Variants in SAMD5 observed in about 807,000 individuals in gnomAD.
The protein encoded by SAMD5 is sterile alpha motif domain-containing protein 5.
In SAMD5, 13 loss-of-function variants were observed where a neutral mutation model predicts 11.3. The ratio of observed to expected loss-of-function variants is 1.15; its 90% CI spans 0.75 to 1.83. The LOEUF (loss-of-function observed/expected upper bound fraction) is 1.83. SAMD5 is among the 40% of genes most tolerant of loss of function. SAMD5 has a pLI of 0.00. For synonymous variants in SAMD5, 129 were observed against 111.3 expected (o/e 1.16, Z -1.00); for missense variants, 255 against 239.1 (o/e 1.07, Z -0.44).
At chr6:147,832,634 A>G in the SAMD5 span, among the ~76,000 whole-genome samples, 1 of 152,198 alleles carries the variant, frequency 6.6e-6, no homozygotes, top group Non-Finnish European at 1.5e-5. Flanking sequence ...TCACTAGGCT[A>G]TCTGATGATT....
the SAMD5 span, among the ~76,000 whole-genome samples, chr6:147,844,668 T>TA: frequency 0.023 from 3,364 of 145,340 alleles, 47 homozygotes; most frequent in Non-Finnish European, 0.034. Flanking sequence ...TAAAACAATT[T>TA]AAAAAAAAAA....
chr6:147,756,217 T>C, the SAMD5 span, among the ~76,000 whole-genome samples: 1 of 152,158 alleles, frequency 6.6e-6, no homozygotes. Context: ...ATTTGTGTCA[T>C]ATAAGATTCC....
chr6:147,885,057 G>C, the SAMD5 span, among the ~76,000 whole-genome samples: 1 of 152,268 alleles, frequency 6.6e-6, no homozygotes, highest in South Asian at 2.1e-4. Context: ...ATCATATGCT[G>C]TGCCAATTAA....
the SAMD5 span, among the ~76,000 whole-genome samples, chr6:147,828,855 C>A: frequency 6.6e-6 from 1 of 152,092 alleles, no homozygotes; most frequent in Non-Finnish European, 1.5e-5. Context: ...AAGATAACAG[C>A]CTTAAAGCCC....
At chr6:147,803,439 T>C in the SAMD5 span, among the ~76,000 whole-genome samples, 1 of 152,210 alleles carries the variant, frequency 6.6e-6, no homozygotes, top group Non-Finnish European at 1.5e-5. Flanking sequence ...TTCTTTCATC[T>C]GTCTTCCTTC....
At position 147,565,094 on chromosome 6, in the gene SAMD5, C is replaced by T; in HGVS notation, c.*638C>T. 1 of 984,584 alleles carries T rather than the reference C, an allele frequency of 1.0e-6. No homozygotes were observed. Among genetic ancestry groups the T allele is most frequent in the African/African-American group, 1.7e-5 (1 of 57,340 alleles). The allele number at this position is 984,584 out of a possible 1,614,324, so 61.0% of individuals were successfully genotyped here. On this transcript the variant is annotated 3_prime_UTR_variant, in exon 2 of 2. Coordinates refer to ENST00000367474, the MANE Select transcript of SAMD5 (RefSeq NM_001030060.3). ...CATCACCAAGAGAGGACAATTTCTT[C>T]TAACTTCTCTTTTTAAATTTAATCT...
At chr6:147,941,423 C>T in the SAMD5 span, among the ~76,000 whole-genome samples, 10 of 152,342 alleles carry the variant, frequency 6.6e-5, 1 homozygote, top group African/African-American at 2.4e-4. Context: ...CCCTCCCTGG[C>T]ACTGGAATTC....
downstream of SAMD5, among the ~76,000 whole-genome samples, chr6:147,573,402 A>G (rs1789167169): frequency 6.6e-6 from 1 of 152,222 alleles, no homozygotes; most frequent in Non-Finnish European, 1.5e-5. Context: ...AGATGCTTAT[A>G]AAACCATCAG....
intron 1 of SAMD5, among the ~76,000 whole-genome samples, chr6:147,620,046 ATGT>A (rs1789936482): frequency 1.3e-5 from 2 of 152,196 alleles, no homozygotes; most frequent in Admixed American, 1.3e-4. Context: ...AATAAGTTGA[ATGT>A]TGTTGTTTGG....
intron 1 of SAMD5, among the ~76,000 whole-genome samples, chr6:147,594,277 A>G (rs1008785066): frequency 7.9e-5 from 12 of 152,146 alleles, no homozygotes; most frequent in Admixed American, 2.6e-4. Context: ...TCTCTCGCTC[A>G]TTTGCTTGCT....
the SAMD5 span, among the ~76,000 whole-genome samples, chr6:147,817,362 T>C: frequency 6.6e-6 from 1 of 152,258 alleles, no homozygotes; most frequent in African/African-American, 2.4e-5. Context: ...GACAACTTCC[T>C]GATAGTGAAG....
intron 1 of SAMD5, among the ~76,000 whole-genome samples, chr6:147,579,849 C>T (rs1789270710): frequency 6.6e-6 from 1 of 152,106 alleles, no homozygotes; most frequent in Non-Finnish European, 1.5e-5. Flanking sequence ...ATGAATGATG[C>T]CCAACATATT....
chr6:147,702,939 A>G (rs909683805), intron 1 of SAMD5, among the ~76,000 whole-genome samples: 3 of 152,182 alleles, frequency 2.0e-5, no homozygotes, highest in African/African-American at 7.2e-5. Flanking sequence ...TCTTGGGCCA[A>G]ATGTCCAGAA....
intron 1 of SAMD5, among the ~76,000 whole-genome samples, chr6:147,709,764 C>T (rs1351904650): frequency 3.3e-5 from 5 of 152,192 alleles, no homozygotes; most frequent in Admixed American, 2.6e-4. Context: ...TGAGGCTGTT[C>T]TCAGTTCCAA....
chr6:147,796,066 TTTAA>T, the SAMD5 span, among the ~76,000 whole-genome samples: 2 of 148,848 alleles, frequency 1.3e-5, no homozygotes, highest in African/African-American at 5.0e-5. Context: ...AGCTCTTTAG[TTTAA>T]TTAGATCCCA....
chr6:147,684,798 CTT>C (rs1790986468), intron 1 of SAMD5, among the ~76,000 whole-genome samples: 1 of 152,098 alleles, frequency 6.6e-6, no homozygotes, highest in African/African-American at 2.4e-5. Flanking sequence ...CTAAAGCTAA[CTT>C]AATAATCACT....
chr6:147,564,850 A>G lies in SAMD5; in HGVS notation c.*394A>G, dbSNP rs1436514169. ...AGGTAGATTTCTGACAGTAAGTAGTAATTATATTATTTCCAAATTTGCTTT... is the reference window on the plus strand; with the variant it reads ...AGGTAGATTTCTGACAGTAAGTAGTGATTATATTATTTCCAAATTTGCTTT... On this transcript the variant is annotated 3_prime_UTR_variant, in exon 2 of 2. Transcript: ENST00000367474. 1.1e-6 allele frequency: 1 copy of G among 949,746 alleles called. No homozygotes were observed. Among genetic ancestry groups the G allele is most frequent in the Non-Finnish European group, 1.3e-6 (1 of 796,464 alleles). The allele number at this position is 949,746 out of a possible 1,614,324, so 58.8% of individuals were successfully genotyped here. A position where few individuals can be genotyped will look rare whatever the true frequency, so the allele number is the denominator to read the frequency against.
chr6:147,670,934 A>T (rs1022805416), intron 1 of SAMD5, among the ~76,000 whole-genome samples: 2 of 152,224 alleles, frequency 1.3e-5, no homozygotes, highest in Admixed American at 6.5e-5. Flanking sequence ...CTTTTGGCCC[A>T]TCTTGGCTTT....
the SAMD5 span, among the ~76,000 whole-genome samples, chr6:147,883,914 T>C: frequency 6.6e-6 from 1 of 152,226 alleles, no homozygotes; most frequent in Non-Finnish European, 1.5e-5. Flanking sequence ...TTAAATGCCC[T>C]AAATTAATGA....
Sources: allele counts gnomAD v4.1 joint callset (sites outside exome capture counted in the v4.1 genomes callset), GRCh38; gene constraint gnomAD v4.1.1; transcripts MANE v1.5; gene names NCBI Gene and HGNC (gene_info 2026-07-23, HGNC 2026-07-21).